The following PCDH7 variants were observed in gnomAD, a reference collection of about 807,000 sequenced individuals.
PCDH7 encodes the protein protocadherin 7, also known as protocadherin-7.
PCDH7 carries 17 observed loss-of-function variants against 58.9 expected under a neutral mutation model. That is an observed-to-expected ratio of 0.29 (90% CI 0.20 to 0.43). The LOEUF (loss-of-function observed/expected upper bound fraction) is 0.43, where lower values mean the gene tolerates loss of function less well. Ranked by LOEUF, PCDH7 falls within the 20% of genes least tolerant of loss-of-function variation. The probability of loss-of-function intolerance (pLI) is 1.00; values close to 1 mark genes in which losing one functional copy is unlikely to be tolerated. For synonymous variants in PCDH7, 664 were observed against 616.4 expected (o/e 1.08, Z -1.14); for missense variants, 1,274 against 1,441.0 (o/e 0.88, Z 1.88).
chr4:30,988,613 T>G (rs1560557939), intron 3 of PCDH7, among the ~76,000 whole-genome samples: 1 of 152,232 alleles, frequency 6.6e-6, no homozygotes, highest in Non-Finnish European at 1.5e-5. Context: ...AAGGCCGAGT[T>G]AGTTTTGTTT....
At chr4:30,862,943 T>A (rs1734387926) in intron 1 of PCDH7, among the ~76,000 whole-genome samples, 1 of 152,084 alleles carries the variant, frequency 6.6e-6, no homozygotes, top group Non-Finnish European at 1.5e-5. Flanking sequence ...CAAAAGTGAT[T>A]TAAAGGAATT....
At chr4:30,902,293 T>C (rs538678214) in intron 1 of PCDH7, among the ~76,000 whole-genome samples, 25 of 152,252 alleles carry the variant, frequency 1.6e-4, no homozygotes, top group African/African-American at 6.0e-4. Flanking sequence ...TGTATCTCTG[T>C]GTTTTTTTAC....
chr4:30,930,855 T>C (rs7661924), intron 2 of PCDH7, among the ~76,000 whole-genome samples: 105,355 of 151,008 alleles, frequency 0.7, 36,578 homozygotes, highest in East Asian at 0.78. Context: ...GTGAGGAGGG[T>C]TTGTGCCCAG....
chr4:31,055,386 T>C (rs1757070169), intron 3 of PCDH7, among the ~76,000 whole-genome samples: 1 of 152,118 alleles, frequency 6.6e-6, no homozygotes, highest in Admixed American at 6.6e-5. Context: ...AGTAGTATAG[T>C]AGCTGTGCAT....
intron 3 of PCDH7, among the ~76,000 whole-genome samples, chr4:31,062,512 G>T (rs1259712709): frequency 1.3e-5 from 2 of 151,632 alleles, no homozygotes; most frequent in African/African-American, 4.8e-5. Flanking sequence ...TTAATAATCA[G>T]AAGGATACGA....
At chr4:30,810,771 C>G (rs1458349787) in intron 1 of PCDH7, among the ~76,000 whole-genome samples, 1 of 151,882 alleles carries the variant, frequency 6.6e-6, no homozygotes, top group African/African-American at 2.4e-5. Context: ...CCACCACACC[C>G]GGCTAATTTT....
At chr4:30,740,258 CT>C (rs2109247553) in intron 1 of PCDH7, among the ~76,000 whole-genome samples, 1 of 152,284 alleles carries the variant, frequency 6.6e-6, no homozygotes, top group Admixed American at 6.5e-5. Flanking sequence ...CCTTGCTTCT[CT>C]TCCCTTCAGT....
chr4:31,109,380 G>T (rs182766626), intron 3 of PCDH7, among the ~76,000 whole-genome samples: 1 of 152,140 alleles, frequency 6.6e-6, no homozygotes, highest in Admixed American at 6.5e-5. Flanking sequence ...AAGGTTGTTA[G>T]CTTCAACCTT....
At chr4:30,882,131 C>G (rs909690187) in intron 1 of PCDH7, among the ~76,000 whole-genome samples, 1 of 132,124 alleles carries the variant, frequency 7.6e-6, no homozygotes, top group South Asian at 2.9e-4. Flanking sequence ...CCGTTTCTCT[C>G]CCTCTTCCTC....
chr4:30,846,051 G>A (rs1317727395), intron 1 of PCDH7, among the ~76,000 whole-genome samples: 1 of 152,124 alleles, frequency 6.6e-6, no homozygotes, highest in Non-Finnish European at 1.5e-5. Flanking sequence ...GTAGTCTAAT[G>A]AGCAGCTACA....
chr4:30,822,881 G>A (rs535764785), intron 1 of PCDH7, among the ~76,000 whole-genome samples: 3 of 152,224 alleles, frequency 2.0e-5, no homozygotes, highest in African/African-American at 7.2e-5. Context: ...TCTTTTGAAA[G>A]CAACAGGATC....
intron 3 of PCDH7, among the ~76,000 whole-genome samples, chr4:31,071,220 G>A (rs558382684): frequency 2.2e-3 from 334 of 151,954 alleles, no homozygotes; most frequent in Non-Finnish European, 4.0e-3. Flanking sequence ...TAGAGGGAAT[G>A]CCTAGTATTA....
At chr4:30,949,271 T>C (rs1747084471) in intron 2 of PCDH7, among the ~76,000 whole-genome samples, 1 of 152,192 alleles carries the variant, frequency 6.6e-6, no homozygotes, top group Non-Finnish European at 1.5e-5. Context: ...TTTTTATATA[T>C]GATTTGCATT....
chr4:30,812,088 G>A lies in PCDH7; in HGVS notation c.70+87492G>A, dbSNP rs142743725. On this transcript the variant is annotated intron_variant, in intron 1 of 3. Coordinates refer to the PCDH7 transcript ENST00000509759. ...GAAGAAATATTTCTATTCCAAGAAC[G>A]GCAAATGAGGCAACTGCTCCTGAAT... 4.7e-3 allele frequency among the ~76,000 whole-genome samples: 719 copies of A among 152,236 alleles called. 7 individuals are homozygous for A. The highest frequency in any genetic ancestry group is 0.016 in the African/African-American group (672 of 41,550).
intron 2 of PCDH7, among the ~76,000 whole-genome samples, chr4:30,937,334 C>T (rs1745480430): frequency 6.6e-6 from 1 of 151,998 alleles, no homozygotes; most frequent in African/African-American, 2.4e-5. Flanking sequence ...GCTTTCAAAA[C>T]TGCTAGATAA....
chr4:31,135,390 A>G (rs1719475465), intron 3 of PCDH7, among the ~76,000 whole-genome samples: 1 of 152,174 alleles, frequency 6.6e-6, no homozygotes, highest in South Asian at 2.1e-4. Flanking sequence ...TGATGAATAA[A>G]TCTTTGGCAA....
At chr4:30,975,009 G>C (rs1164858549) in intron 3 of PCDH7, among the ~76,000 whole-genome samples, 1 of 152,122 alleles carries the variant, frequency 6.6e-6, no homozygotes, top group Non-Finnish European at 1.5e-5. Flanking sequence ...CCGTATTGTA[G>C]TTCTCTGGCT....
intron 2 of PCDH7, among the ~76,000 whole-genome samples, chr4:30,933,767 A>G (rs965587325): frequency 3.9e-5 from 6 of 152,184 alleles, no homozygotes; most frequent in Non-Finnish European, 4.4e-5. Flanking sequence ...TGCATAAGAA[A>G]CAATTCCAGA....
chr4:31,096,130 A>G (rs1400398185), intron 3 of PCDH7, among the ~76,000 whole-genome samples: 3 of 152,176 alleles, frequency 2.0e-5, no homozygotes, highest in Non-Finnish European at 2.9e-5. Flanking sequence ...TCATATGTGC[A>G]AAAGATGCCC....
Sources: gnomAD v4.1 joint callset for allele counts (sites outside exome capture counted in the v4.1 genomes callset) on GRCh38, gnomAD v4.1.1 for gene constraint, MANE v1.5 for transcripts, NCBI Gene and HGNC (gene_info 2026-07-23, HGNC 2026-07-21) for gene names.